Variants in SH3BP4 observed in about 807,000 individuals in gnomAD.
SH3BP4 encodes SH3 domain binding protein 4.
In SH3BP4, 33 loss-of-function variants were observed where a neutral mutation model predicts 65.5. The ratio of observed to expected loss-of-function variants is 0.50; its 90% CI spans 0.38 to 0.67. The LOEUF is 0.67. Ranked by LOEUF, SH3BP4 falls within the 30% of genes least tolerant of loss-of-function variation. SH3BP4 has a pLI of 0.00. For synonymous variants in SH3BP4, 552 were observed against 545.5 expected (o/e 1.01, Z -0.17); for missense variants, 1,134 against 1,261.4 (o/e 0.90, Z 1.53).
chr2:234,992,924 T>C (rs556723881), intron 1 of SH3BP4, among the ~76,000 whole-genome samples: 1 of 151,936 alleles, frequency 6.6e-6, no homozygotes, highest in South Asian at 2.1e-4. Flanking sequence ...CCCCTGGAGA[T>C]GGACACATTC....
chr2:234,999,196 T>C (rs1427221522), intron 2 of SH3BP4, among the ~76,000 whole-genome samples: 1 of 152,250 alleles, frequency 6.6e-6, no homozygotes, highest in Non-Finnish European at 1.5e-5. Flanking sequence ...GAACGGCGCC[T>C]GCCTTCTTGA....
In SH3BP4 at chr2:235,052,874, T is replaced by A; in HGVS notation, c.2667+124T>A. 2 of 901,466 alleles carry A rather than the reference T, an allele frequency of 2.2e-6. No individual in the cohort carries two copies. Among genetic ancestry groups the A allele is most frequent in the Non-Finnish European group, 3.3e-6 (2 of 605,282 alleles). The allele number at this position is 901,466 out of a possible 1,614,324, so 55.8% of individuals were successfully genotyped here. ...TCTGTGAGGGTGCAACAGGTGGAAA[T>A]GTGCACGCATGTGCCCAGCACTGGG... is the stretch of plus-strand genomic sequence containing the variant. On this transcript the variant is annotated intron_variant, in intron 5 of 5. Coordinates refer to ENST00000392011, the MANE Select transcript of SH3BP4 (RefSeq NM_014521.3). The surrounding 1 kb of genome is among the most constrained non-coding windows in gnomAD (Gnocchi z 5.0).
At chr2:235,012,221 C>T (rs1000762027) in intron 2 of SH3BP4, among the ~76,000 whole-genome samples, 1 of 152,174 alleles carries the variant, frequency 6.6e-6, no homozygotes, top group Non-Finnish European at 1.5e-5. Context: ...GGATGGGAAG[C>T]GCCCTGACCT....
At chr2:235,015,590 G>A (rs1029640480) in intron 2 of SH3BP4, among the ~76,000 whole-genome samples, 1 of 152,226 alleles carries the variant, frequency 6.6e-6, no homozygotes, top group African/African-American at 2.4e-5. Flanking sequence ...GACCAGCAGT[G>A]AGAGGGTTTC....
chr2:234,958,746 A>G (rs1010645632), intron 1 of SH3BP4, among the ~76,000 whole-genome samples: 1 of 152,066 alleles, frequency 6.6e-6, no homozygotes, highest in Admixed American at 6.5e-5. Flanking sequence ...TTCTGAGTCT[A>G]TCATGTGCGG....
At chr2:235,007,363 C>T (rs1694327740) in intron 2 of SH3BP4, among the ~76,000 whole-genome samples, 1 of 152,184 alleles carries the variant, frequency 6.6e-6, no homozygotes, top group South Asian at 2.1e-4. Flanking sequence ...TACCACAGAG[C>T]TTCTCACCTG....
At chr2:234,980,990 G>A (rs1693361149) in intron 1 of SH3BP4, among the ~76,000 whole-genome samples, 1 of 152,158 alleles carries the variant, frequency 6.6e-6, no homozygotes, top group Admixed American at 6.5e-5. Flanking sequence ...CTCCTGGGTA[G>A]CTGGGATTAC....
chr2:234,963,940 G>A lies in SH3BP4; in HGVS notation c.-207+11770G>A, dbSNP rs1209598509. 3.9e-5 allele frequency among the ~76,000 whole-genome samples: 6 copies of A among 152,328 alleles called. No individual in the cohort carries two copies. The East Asian group carries it at 1.2e-3, about 29-fold the overall frequency. The stretch of plus-strand genomic sequence containing the variant: ...CATGGCTCCTGCTGATCGCAAGACT[G>A]TAATTTGGATCTTGACTGCGGTCTG... On this transcript the variant is annotated intron_variant, in intron 1 of 5. Coordinates refer to ENST00000392011, the MANE Select transcript of SH3BP4 (RefSeq NM_014521.3).
At position 235,042,024 on chromosome 2, in the gene SH3BP4, G is replaced by A. The variant is rs766066857; in HGVS notation, c.1255G>A (p.Asp419Asn). The A allele has an allele frequency of 1.1e-5, 17 of 1,613,918 alleles. No homozygotes were observed. The highest frequency in any genetic ancestry group is 2.2e-5 in the East Asian group (1 of 44,876). The change falls in exon 4 of 6, where the codon GAC becomes AAC. Residue 419 changes from aspartate (D) to asparagine (N), a missense_variant. Coordinates refer to ENST00000392011, the MANE Select transcript of SH3BP4 (RefSeq NM_014521.3). The surrounding 1 kb of genome is among the most constrained non-coding windows in gnomAD (Gnocchi z 7.3). ...AGTGGGCCTCCAGTGCCTGAGGAGC[G>A]ACTCGAAGGAAGGGCCATATGTCTC... ...STVGLQCLRS[D>N]SKEGPYVSVP...
chr2:235,004,827 T>C (rs902637869), intron 2 of SH3BP4, among the ~76,000 whole-genome samples: 1 of 152,260 alleles, frequency 6.6e-6, no homozygotes, highest in Non-Finnish European at 1.5e-5. Context: ...TGACTGGTGC[T>C]ACTAGGATTC....
At chr2:235,001,985 A>G (rs1046488958) in intron 2 of SH3BP4, among the ~76,000 whole-genome samples, 1 of 151,802 alleles carries the variant, frequency 6.6e-6, no homozygotes, top group Non-Finnish European at 1.5e-5. Context: ...CTCAGACTCC[A>G]GAGTAGCTGG....
intron 2 of SH3BP4, among the ~76,000 whole-genome samples, chr2:235,022,732 T>G (rs573230212): frequency 6.6e-6 from 1 of 152,322 alleles, no homozygotes; most frequent in East Asian, 1.9e-4. Context: ...CTTCCAGGAC[T>G]GCTTTTGGCA....
At position 235,048,088 on chromosome 2, in the gene SH3BP4, AGAG is replaced by A. The variant is rs1361551736; in HGVS notation, c.2479-4467_2479-4465del. 1.1e-4 allele frequency among the ~76,000 whole-genome samples: 16 copies of A among 152,266 alleles called. No homozygotes were observed. In the East Asian group the frequency reaches 1.9e-3, roughly 18 times the overall value. On this transcript the variant is annotated intron_variant, in intron 4 of 5. Transcript: ENST00000392011. The stretch of plus-strand genomic sequence containing the variant: ...GAGAAGACCCACTTTAACCTCCAGA[AGAG>A]GAGGAGTTGATGGACAGTGTGCATT...
intron 3 of SH3BP4, among the ~76,000 whole-genome samples, chr2:235,040,484 C>T (rs1224971269): frequency 2.0e-5 from 3 of 151,262 alleles, no homozygotes; most frequent in Admixed American, 6.6e-5. Context: ...CCTAACTCAC[C>T]GTGTCACCGT....
chr2:234,981,946 C>G (rs983138067), intron 1 of SH3BP4, among the ~76,000 whole-genome samples: 1 of 152,156 alleles, frequency 6.6e-6, no homozygotes, highest in Non-Finnish European at 1.5e-5. Context: ...TTCCCGTCCC[C>G]GCCTCCTTCC....
chr2:234,952,202 C>A lies in SH3BP4; in HGVS notation c.-207+32C>A, dbSNP rs1692485122. ...AGGCGGCGGCGGGGAGCGCCTCGGG[C>A]GGCAGGGCCCTGGGGGCCGGCGGGG... On this transcript the variant is annotated intron_variant, in intron 1 of 5. Transcript: ENST00000392011. The surrounding 1 kb of genome is among the most constrained non-coding windows in gnomAD (Gnocchi z 6.5). 1 of 149,964 alleles carries A rather than the reference C, an allele frequency of 6.7e-6. No individual in the cohort carries two copies. The highest frequency in any genetic ancestry group is 1.5e-5 in the Non-Finnish European group (1 of 66,910). 9.3% of individuals were successfully genotyped at this position (149,964 alleles called of 1,614,324 possible).
At position 235,046,823 on chromosome 2, in the gene SH3BP4, C is replaced by A. The variant is rs999165249; in HGVS notation, c.2478+3576C>A. 6.6e-6 allele frequency among the ~76,000 whole-genome samples: 1 copy of A among 152,160 alleles called. No homozygotes were observed. The highest frequency in any genetic ancestry group is 2.4e-5 in the African/African-American group (1 of 41,434). On this transcript the variant is annotated intron_variant, in intron 4 of 5. Coordinates refer to ENST00000392011, the MANE Select transcript of SH3BP4 (RefSeq NM_014521.3). The surrounding 1 kb of genome is among the most constrained non-coding windows in gnomAD (Gnocchi z 4.2). The stretch of plus-strand genomic sequence containing the variant: ...CCAAGCGGGAGGCATTCTCACGTGG[C>A]CATACCATGCTTCTGTTCTGTGGTT...
At chr2:234,964,494 C>A (rs914921390) in intron 1 of SH3BP4, among the ~76,000 whole-genome samples, 15 of 150,240 alleles carry the variant, frequency 1.0e-4, no homozygotes, top group South Asian at 6.4e-4. Flanking sequence ...AAGGGGCATT[C>A]AAGTGCACCA....
At chr2:234,964,703 C>T (rs1692795484) in intron 1 of SH3BP4, among the ~76,000 whole-genome samples, 1 of 152,150 alleles carries the variant, frequency 6.6e-6, no homozygotes, top group East Asian at 1.9e-4. Context: ...CATAGTGAGA[C>T]CCCCTTCCCA....
Sources: allele counts gnomAD v4.1 joint callset (sites outside exome capture counted in the v4.1 genomes callset), GRCh38; gene constraint gnomAD v4.1.1; non-coding constraint Gnocchi (gnomAD v3.1); transcripts MANE v1.5; gene names NCBI Gene and HGNC (gene_info 2026-07-23, HGNC 2026-07-21).